Variants in EPHA2 observed in about 807,000 individuals in gnomAD.
EPHA2 encodes EPH receptor A2.
In EPHA2, 54 loss-of-function variants were observed where a neutral mutation model predicts 104.9. The ratio of observed to expected loss-of-function variants is 0.51; its 90% CI spans 0.41 to 0.65. The LOEUF (loss-of-function observed/expected upper bound fraction) is 0.65. EPHA2 is among the 30% of genes least tolerant of loss of function. The pLI is 0.00. For missense variants in EPHA2, 1,117 were observed against 1,369.5 expected (o/e 0.82, Z 2.91); for synonymous variants, 560 against 559.1 (o/e 1.00, Z -0.02).
At chr1:16,153,440 T>C (rs2025084228) in intron 1 of EPHA2, 2 of 503,332 alleles carry the variant, frequency 4.0e-6, no homozygotes, top group Middle Eastern at 9.9e-4. Flanking sequence ...AAGGACTTCC[T>C]GGCACTCTCC....
At chr1:16,149,974 G>A (rs1041985410) in intron 2 of EPHA2, among the ~76,000 whole-genome samples, 4 of 152,200 alleles carry the variant, frequency 2.6e-5, no homozygotes, top group African/African-American at 7.2e-5. Context: ...CGTTGGCCAA[G>A]GCCCTACATG....
chr1:16,136,737 GAA>G (rs2024711579), intron 5 of EPHA2, among the ~76,000 whole-genome samples: 1 of 146,628 alleles, frequency 6.8e-6, no homozygotes, highest in East Asian at 2.0e-4. Flanking sequence ...AGAAGAAGAA[GAA>G]GAAGAAGAAG....
At chr1:16,154,683 G>A (rs2025115102) in intron 1 of EPHA2, among the ~76,000 whole-genome samples, 1 of 147,370 alleles carries the variant, frequency 6.8e-6, no homozygotes, top group Non-Finnish European at 1.5e-5. Flanking sequence ...TTGAACCCGG[G>A]AGGCAGAGGT....
Position 16,131,896 on chromosome 1 carries a change from C to G in EPHA2, c.2326-26G>C, listed in dbSNP as rs2024576483. 6.2e-7 allele frequency: 1 copy of G among 1,611,420 alleles called. No individual in the cohort carries two copies. The highest frequency in any genetic ancestry group is 2.2e-5 in the East Asian group (1 of 44,786). On this transcript the variant is annotated intron_variant, in intron 13 of 16. Coordinates refer to ENST00000358432, the MANE Select transcript of EPHA2 (RefSeq NM_004431.5). This position sits in a 1 kb window ranked among gnomAD's most constrained non-coding sequence, Gnocchi z 5.2. The stretch of plus-strand genomic sequence containing the variant: ...CTGCAGGGAACCCAGGCCCAGTCAC[C>G]ACTGTGCCCTCTGGCTGGCCCCAGG...
rs979558435 is a variant in EPHA2 at position 16,125,964 on chromosome 1, G to A, written c.2826-644C>T. ...AAATACTTGAAGGGTTAAACTTTGC[G>A]AGTCTTCATGGGTGAGGCTTGCGGG... On this transcript the variant is annotated intron_variant, in intron 16 of 16. Transcript: ENST00000358432. The surrounding 1 kb of genome is among the most constrained non-coding windows in gnomAD (Gnocchi z 4.9). Among the ~76,000 whole-genome samples the A allele has an allele frequency of 3.3e-5, 5 of 152,300 alleles. No homozygotes were observed. The highest frequency in any genetic ancestry group is 5.9e-5 in the Non-Finnish European group (4 of 68,024).
chr1:16,129,640 G>A, intron 15 of EPHA2, 51 bp from the exon 16 acceptor site: 2 of 1,570,434 alleles, frequency 1.3e-6, no homozygotes, highest in South Asian at 1.1e-5. Context: ...AGTCCACCCT[G>A]GGCCCTGCAC....
Position 16,138,178 on chromosome 1 carries a change from G to A in EPHA2, c.987C>T (p.Pro329=), listed in dbSNP as rs2230597. The change falls in exon 5 of 17, where the codon CCC becomes CCT. Residue 329 remains proline (P), a synonymous_variant. Coordinates refer to ENST00000358432, the MANE Select transcript of EPHA2 (RefSeq NM_004431.5). ...DPASMPCTRP[P]SAPHYLTAVG... Reference sequence around the variant, plus strand: ...CGGCTGTGAGGTAGTGTGGGGCGGAGGGGGGTCCTGCACAGACAGGAGGAG... The same window carrying A: ...CGGCTGTGAGGTAGTGTGGGGCGGAAGGGGGTCCTGCACAGACAGGAGGAG... 631,326 of 1,608,510 alleles carry A rather than the reference G, an allele frequency of 0.39. 127,033 individuals are homozygous for A. The highest frequency in any genetic ancestry group is 0.48 in the Middle Eastern group (2,888 of 6,060).
At chr1:16,136,707 AGAAGAAAAG>A (rs1395778192) in intron 5 of EPHA2, among the ~76,000 whole-genome samples, 1 of 95,496 alleles carries the variant, frequency 1.0e-5, no homozygotes, top group Non-Finnish European at 1.7e-5. Context: ...AAGAAGAAGA[AGAAGAAAAG>A]AAGAAGAAGA....
chr1:16,137,801 A>G, intron 5 of EPHA2, 52 bp downstream of exon 5: 1 of 1,608,412 alleles, frequency 6.2e-7, no homozygotes, highest in Non-Finnish European at 8.5e-7. Flanking sequence ...GTCCTCCTTA[A>G]GCCCCACCTG....
chr1:16,150,992 C>A lies in EPHA2; in HGVS notation c.86-29G>T. On this transcript the variant is annotated intron_variant, in intron 1 of 16. Coordinates refer to ENST00000358432, the MANE Select transcript of EPHA2 (RefSeq NM_004431.5). The surrounding 1 kb of genome is among the most constrained non-coding windows in gnomAD (Gnocchi z 4.8). ...AAAGGGAGAAGGGAGAGGGGGTGAGCCTGGGGGTGTCTTCAGGAGTCAGAC... is the reference window on the plus strand; with the variant it reads ...AAAGGGAGAAGGGAGAGGGGGTGAGACTGGGGGTGTCTTCAGGAGTCAGAC... The A allele has an allele frequency of 6.2e-7, 1 of 1,612,486 alleles. No homozygotes were observed. The highest frequency in any genetic ancestry group is 8.5e-7 in the Non-Finnish European group (1 of 1,178,736).
rs1557503768 is a variant in EPHA2 at position 16,132,922 on chromosome 1, G to T, written c.2053+258C>A. ...AGGTATCGGGGAGAGGTGGGCACAGGTGTAGAGGAGGTGGGTACAAGTATG... is the reference window on the plus strand; with the variant it reads ...AGGTATCGGGGAGAGGTGGGCACAGTTGTAGAGGAGGTGGGTACAAGTATG... On this transcript the variant is annotated intron_variant, in intron 11 of 16. Transcript: ENST00000358432. 35 of 533,020 alleles carry T rather than the reference G, an allele frequency of 6.6e-5. No homozygotes were observed. In the African/African-American group the frequency reaches 7.4e-4, roughly 11 times the overall value. The allele number at this position is 533,020 out of a possible 1,614,324, so 33.0% of individuals were successfully genotyped here.
Position 16,148,778 on chromosome 1 carries a change from C to G in EPHA2, c.423G>C (p.Lys141Asn), listed in dbSNP as rs781464115. ...GTNFQKRLFT[K>N]IDTIAPDEIT... Reference sequence around the variant, plus strand: ...TCTCATCGGGCGCAATGGTGTCAATCTTGGTGAACAGGCGCTTCTGGAAGT... The same window carrying G: ...TCTCATCGGGCGCAATGGTGTCAATGTTGGTGAACAGGCGCTTCTGGAAGT... Residue 141 changes from lysine to asparagine, a missense_variant, in exon 3 of 17, where the codon AAG (lysine) becomes AAC (asparagine). This residue lies in a region of EPHA2 where 664 missense variants were observed against 784.8 expected (regional missense o/e 0.85). Coordinates refer to ENST00000358432, the MANE Select transcript of EPHA2 (RefSeq NM_004431.5). This position sits in a 1 kb window ranked among gnomAD's most constrained non-coding sequence, Gnocchi z 4.9. 5 of 1,614,052 alleles carry G rather than the reference C, an allele frequency of 3.1e-6. No homozygotes were observed. The highest frequency in any genetic ancestry group is 4.2e-6 in the Non-Finnish European group (5 of 1,180,060).
chr1:16,155,913 C>A lies in EPHA2; in HGVS notation c.20G>T (p.Arg7Leu), dbSNP rs989492388. 7 of 1,488,814 alleles carry A rather than the reference C, an allele frequency of 4.7e-6. No homozygotes were observed. The African/African-American group carries it at 8.8e-5, about 19-fold the overall frequency. The allele number at this position is 1,488,814 out of a possible 1,614,324, so 92.2% of individuals were successfully genotyped here. Residue 7 changes from arginine (R) to leucine (L), a missense_variant, in exon 1 of 17, where the codon CGC becomes CTC. Transcript: ENST00000358432. The part of the protein sequence containing the change: MELQAA[R>L]ACFALLWGCA... ...GCCCCACAGCAGGGCGAAGCAGGCGCGGGCTGCCTGGAGCTCCATGCCGCG... is the reference window on the plus strand; with the variant it reads ...GCCCCACAGCAGGGCGAAGCAGGCGAGGGCTGCCTGGAGCTCCATGCCGCG...
At chr1:16,149,194 G>T in intron 2 of EPHA2, 147 bp from the exon 3 acceptor site, 1 of 862,784 alleles carries the variant, frequency 1.2e-6, no homozygotes, top group Non-Finnish European at 1.9e-6. Flanking sequence ...GCGGGTGGGG[G>T]CTGCATCCAT....
In EPHA2 at chr1:16,150,835, T is replaced by A; in HGVS notation, c.153+61A>T. 1 of 1,590,590 alleles carries A rather than the reference T, an allele frequency of 6.3e-7. No homozygotes were observed. Among genetic ancestry groups the A allele is most frequent in the East Asian group, 2.2e-5 (1 of 44,700 alleles). On this transcript the variant is annotated intron_variant, in intron 2 of 16. Coordinates refer to ENST00000358432, the MANE Select transcript of EPHA2 (RefSeq NM_004431.5). The surrounding 1 kb of genome is among the most constrained non-coding windows in gnomAD (Gnocchi z 4.8). ...CGCTCCCTGGGCCTCAGTTTCTCCA[T>A]CTCTACAGGGGACCAGCAGCCCCAT...
intron 1 of EPHA2, among the ~76,000 whole-genome samples, chr1:16,154,875 G>A (rs981622349): frequency 6.6e-6 from 1 of 151,912 alleles, no homozygotes; most frequent in African/African-American, 2.4e-5. Flanking sequence ...GGGAAGCCTT[G>A]CCCTCACTGT....
chr1:16,141,783 G>T (rs1241639243), intron 3 of EPHA2, among the ~76,000 whole-genome samples: 1 of 152,260 alleles, frequency 6.6e-6, no homozygotes, highest in Non-Finnish European at 1.5e-5. Context: ...GCCTGCTGCC[G>T]CCAGGAAAGA....
At chr1:16,129,659 C>T in intron 15 of EPHA2, 70 bp from the exon 16 acceptor site, 1 of 1,528,302 alleles carries the variant, frequency 6.5e-7, no homozygotes, top group East Asian at 2.4e-5. Flanking sequence ...ACCTGCTGCT[C>T]CCTAACCTGG....
rs1399641731 is a variant in EPHA2 at position 16,135,078 on chromosome 1, C to A, written c.1540G>T (p.Gly514Cys). 1.2e-6 allele frequency: 2 copies of A among 1,613,604 alleles called. No homozygotes were observed. The highest frequency in any genetic ancestry group is 1.7e-6 in the Non-Finnish European group (2 of 1,180,028). Reference sequence around the variant, plus strand: ...TGCACCTTGCTGCCGGCCCCCTGGCCCTCCTGCGTCAGTGCCTGCACCTGG... The same window carrying A: ...TGCACCTTGCTGCCGGCCCCCTGGCACTCCTGCGTCAGTGCCTGCACCTGG... ...LVQVQALTQE[G>C]QGAGSKVHEF... Residue 514 changes from glycine (G) to cysteine (C), a missense_variant, in exon 7 of 17, where the codon GGC becomes TGC. Coordinates refer to ENST00000358432, the MANE Select transcript of EPHA2 (RefSeq NM_004431.5). The surrounding 1 kb of genome is among the most constrained non-coding windows in gnomAD (Gnocchi z 4.3).
Sources: gnomAD v4.1 joint callset for allele counts (sites outside exome capture counted in the v4.1 genomes callset) on GRCh38, gnomAD v4.1.1 for gene constraint, gnomAD v4.1.1 regional missense constraint, Gnocchi (gnomAD v3.1) non-coding constraint, MANE v1.5 for transcripts, NCBI Gene and HGNC (gene_info 2026-07-23, HGNC 2026-07-21) for gene names.